The following LSAMP variants were observed in gnomAD, a reference collection of about 807,000 sequenced individuals.
LSAMP encodes limbic system-associated membrane protein.
A neutral mutation model predicts 38.6 loss-of-function variants in LSAMP; 7 were observed. The observed-to-expected ratio is 0.18, with a 90% CI of 0.10 to 0.34. LSAMP has a LOEUF of 0.34. LSAMP is among the 10% of genes least tolerant of loss of function. The probability of loss-of-function intolerance (pLI) is 1.00; values close to 1 mark genes in which losing one functional copy is unlikely to be tolerated. For synonymous variants in LSAMP, 154 were observed against 166.8 expected (o/e 0.92, Z 0.59); for missense variants, 313 against 420.0 (o/e 0.75, Z 2.23).
intron 1 of LSAMP, among the ~76,000 whole-genome samples, chr3:116,288,266 C>G (rs1393704107): frequency 6.6e-6 from 1 of 152,114 alleles, no homozygotes. Context: ...GTCTTTCTGC[C>G]CATTCACATC....
At chr3:116,030,606 T>C (rs1209462191) in intron 2 of LSAMP, among the ~76,000 whole-genome samples, 1 of 152,146 alleles carries the variant, frequency 6.6e-6, no homozygotes, top group Non-Finnish European at 1.5e-5. Flanking sequence ...TTAGATACTG[T>C]CCAACCAGAG....
chr3:116,261,243 T>C (rs1368697558), intron 1 of LSAMP, among the ~76,000 whole-genome samples: 1 of 152,206 alleles, frequency 6.6e-6, no homozygotes, highest in African/African-American at 2.4e-5. Context: ...TTAATCATTT[T>C]TGTTGTTGGT....
At chr3:116,102,910 CATT>C (rs990442694) in intron 1 of LSAMP, among the ~76,000 whole-genome samples, 3 of 151,992 alleles carry the variant, frequency 2.0e-5, no homozygotes, top group Admixed American at 2.0e-4. Flanking sequence ...AATAATAATA[CATT>C]ATTGTCTTTT....
chr3:115,848,297 G>A (rs1038458957), intron 4 of LSAMP, among the ~76,000 whole-genome samples: 1 of 152,118 alleles, frequency 6.6e-6, no homozygotes, highest in East Asian at 1.9e-4. Flanking sequence ...GGTGGCACGC[G>A]CCTGTAATCC....
intron 2 of LSAMP, among the ~76,000 whole-genome samples, chr3:116,021,588 A>G (rs747551426): frequency 1.8e-4 from 28 of 152,214 alleles, no homozygotes; most frequent in Non-Finnish European, 3.1e-4. Flanking sequence ...ATAGAAAGCT[A>G]TATAGTAATT....
chr3:116,155,863 C>G (rs1463744967), intron 1 of LSAMP, among the ~76,000 whole-genome samples: 1 of 152,050 alleles, frequency 6.6e-6, no homozygotes, highest in Non-Finnish European at 1.5e-5. Flanking sequence ...TTTGTTAGGA[C>G]AAAGCTCAAA....
chr3:116,389,463 C>A (rs973581009), intron 1 of LSAMP, among the ~76,000 whole-genome samples: 5 of 152,132 alleles, frequency 3.3e-5, no homozygotes, highest in African/African-American at 1.2e-4. Context: ...TCTTTTGGAT[C>A]ATCCATGATT....
At chr3:115,849,413 A>C (rs553849268) in intron 4 of LSAMP, among the ~76,000 whole-genome samples, 2 of 152,176 alleles carry the variant, frequency 1.3e-5, no homozygotes, top group African/African-American at 4.8e-5. Flanking sequence ...TGCAACAAAC[A>C]TCTGTTGGCA....
At position 116,008,689 on chromosome 3, in the gene LSAMP, T is replaced by A. The variant is rs551402284; in HGVS notation, c.514+10826A>T. The stretch of plus-strand genomic sequence containing the variant: ...CCCCACCCCCACTCCCCACCAATAT[T>A]TTTTTTTTTCTCTTTTCATGGTAGA... On this transcript the variant is annotated intron_variant, in intron 3 of 6. Coordinates refer to ENST00000490035, the MANE Select transcript of LSAMP (RefSeq NM_002338.5). Among the ~76,000 whole-genome samples the A allele has an allele frequency of 2.8e-4, 40 of 142,926 alleles. 1 individual carries two copies. Among genetic ancestry groups the A allele is most frequent in the Non-Finnish European group, 4.3e-4 (29 of 67,048 alleles). The allele number at this position is 142,926 out of a possible 152,430, so 93.8% of individuals were successfully genotyped here.
intron 4 of LSAMP, among the ~76,000 whole-genome samples, chr3:115,849,516 A>G (rs1371051096): frequency 6.6e-6 from 1 of 151,904 alleles, no homozygotes; most frequent in East Asian, 1.9e-4. Context: ...GGGTCTGTTC[A>G]TTACAATAAT....
intron 1 of LSAMP, among the ~76,000 whole-genome samples, chr3:116,171,352 C>T (rs1293501055): frequency 6.6e-6 from 1 of 152,128 alleles, no homozygotes; most frequent in Non-Finnish European, 1.5e-5. Context: ...TTCATTGAAT[C>T]ATGCAGGAAT....
At chr3:116,329,398 C>T (rs1431508) in intron 1 of LSAMP, among the ~76,000 whole-genome samples, 151,986 of 152,292 alleles carry the variant, frequency 1, 75,842 homozygotes, top group Middle Eastern at 1. Flanking sequence ...TGTTCGTTTC[C>T]GACTTGATAA....
chr3:116,317,549 G>A (rs898268441), intron 1 of LSAMP, among the ~76,000 whole-genome samples: 1 of 151,638 alleles, frequency 6.6e-6, no homozygotes, highest in African/African-American at 2.4e-5. Context: ...TAGAGACGGA[G>A]TTTCACCGTG....
chr3:116,339,853 C>T (rs2047969578), intron 1 of LSAMP, among the ~76,000 whole-genome samples: 1 of 151,986 alleles, frequency 6.6e-6, no homozygotes, highest in Non-Finnish European at 1.5e-5. Context: ...CAGATATTAC[C>T]AGTTACCAAC....
At chr3:116,353,268 G>A (rs2048166566) in intron 1 of LSAMP, among the ~76,000 whole-genome samples, 1 of 152,050 alleles carries the variant, frequency 6.6e-6, no homozygotes, top group East Asian at 1.9e-4. Context: ...GGAAAATTTA[G>A]ACAAAGATAA....
At chr3:116,290,738 AATAATAAT>A (rs1221526567) in intron 1 of LSAMP, among the ~76,000 whole-genome samples, 2 of 48,186 alleles carry the variant, frequency 4.2e-5, no homozygotes, top group Non-Finnish European at 6.8e-5. Flanking sequence ...TCACAAAAAT[AATAATAAT>A]AATAATAATA....
chr3:116,191,469 A>G (rs1710753576), intron 1 of LSAMP, among the ~76,000 whole-genome samples: 1 of 152,050 alleles, frequency 6.6e-6, no homozygotes. Flanking sequence ...AGGACTGCAC[A>G]TTTTTGAGGG....
intron 1 of LSAMP, among the ~76,000 whole-genome samples, chr3:116,194,776 T>C (rs1490067176): frequency 6.6e-6 from 1 of 152,134 alleles, no homozygotes; most frequent in Non-Finnish European, 1.5e-5. Flanking sequence ...TGATCGAGAT[T>C]GAGGTTTGGT....
At chr3:115,847,141 C>G (rs1387009080) in intron 4 of LSAMP, among the ~76,000 whole-genome samples, 1 of 152,052 alleles carries the variant, frequency 6.6e-6, no homozygotes, top group Non-Finnish European at 1.5e-5. Context: ...GGAGTTAGAC[C>G]TGGGTTTGAG....
Sources: gnomAD v4.1 joint callset for allele counts (sites outside exome capture counted in the v4.1 genomes callset) on GRCh38, gnomAD v4.1.1 for gene constraint, MANE v1.5 for transcripts, NCBI Gene and HGNC (gene_info 2026-07-23, HGNC 2026-07-21) for gene names.